Variants in RNF14 observed in about 807,000 individuals in gnomAD.
The protein encoded by RNF14 is ring finger protein 14.
RNF14 carries 26 observed loss-of-function variants against 52.6 expected under a neutral mutation model. That is an observed-to-expected ratio of 0.49 (90% confidence interval 0.36 to 0.69). The LOEUF (loss-of-function observed/expected upper bound fraction) is 0.69, where lower values mean the gene tolerates loss of function less well. RNF14 is among the 30% of genes least tolerant of loss of function. RNF14 has a pLI of 0.00. For synonymous variants in RNF14, 194 were observed against 202.0 expected, an observed-to-expected ratio of 0.96 and a Z score of 0.34; for missense variants, 404 against 560.4, an observed-to-expected ratio of 0.72 and a Z score of 2.82.
rs925768003 is a variant in RNF14, at chr5:141,980,157, G to C, written c.869G>C (p.Arg290Pro). 1 of 1,614,060 alleles carries C rather than the reference G, an allele frequency of 6.2e-7. No individual in the cohort carries two copies. The highest frequency in any genetic ancestry group is 8.5e-7 in the Non-Finnish European group (1 of 1,180,014). Residue 290 changes from arginine to proline, a missense_variant, in exon 6 of 9, where the codon CGT becomes CCT. By Grantham distance (103) the Arg-to-Pro change is moderately radical. Transcript: ENST00000394520. ...KELVEAELFARYDRLLLQSSL... is the reference protein window; with the variant it reads ...KELVEAELFAPYDRLLLQSSL... ...TTAGTGGAAGCAGAGTTATTTGCCCGTTATGACCGCCTTCTCCTCCAGTCC... is the reference window on the plus strand; with the variant it reads ...TTAGTGGAAGCAGAGTTATTTGCCCCTTATGACCGCCTTCTCCTCCAGTCC...
At chr5:141,964,790 T>A (rs1439010831), upstream of RNF14, among the ~76,000 whole-genome samples, 1 of 149,214 alleles carries the variant, frequency 6.7e-6, no homozygotes, top group Non-Finnish European at 1.5e-5. Flanking sequence ...ATTTTTTTTT[T>A]TTTTTTTTGT....
Position 141,978,553 on chromosome 5 carries a change from G to C in RNF14, c.557G>C (p.Arg186Thr), listed in dbSNP as rs756676710. ...GACCAAGAGGAAATTGTGGATGAGAGAGCAGTGCAGGATGTGGAATCACTG... is the reference window on the plus strand; with the variant it reads ...GACCAAGAGGAAATTGTGGATGAGACAGCAGTGCAGGATGTGGAATCACTG... ...DVDQEEIVDE[R>T]AVQDVESLSN... The change falls in exon 5 of 9, where the codon AGA (arginine) becomes ACA (threonine). Residue 186 changes from arginine (R) to threonine (T), a missense_variant. Physicochemically the swap from Arg to Thr is moderately conservative, Grantham distance 71 (BLOSUM62 -1). Transcript: ENST00000394520. The C allele has an allele frequency of 6.2e-7, 1 of 1,614,138 alleles. No individual in the cohort carries two copies. Among genetic ancestry groups the C allele is most frequent in the Admixed American group, 1.7e-5 (1 of 60,024 alleles).
rs1456513796 is a variant in RNF14 at position 141,990,220 on chromosome 5, G to T, written c.*2430G>T. ...ATTTGGGTAACTCCCCAAATGCCCT[G>T]TAAAACAAATGGGTTTGTGGAAGGT... On this transcript the variant is annotated 3_prime_UTR_variant, in exon 9 of 9. Coordinates refer to ENST00000394520, the MANE Select transcript of RNF14 (RefSeq NM_004290.5). The T allele has an allele frequency of 2.0e-5, 3 of 152,150 alleles. No individual in the cohort carries two copies. Among genetic ancestry groups the T allele is most frequent in the Admixed American group, 2.0e-4 (3 of 15,280 alleles). 9.4% of individuals were successfully genotyped at this position (152,150 alleles called of 1,614,324 possible).
intron 8 of RNF14, among the ~76,000 whole-genome samples, chr5:141,987,188 G>T (rs905164157): frequency 6.6e-6 from 1 of 152,168 alleles, no homozygotes; most frequent in African/African-American, 2.4e-5. Context: ...AGGGAGGGGG[G>T]TATGACCAGG....
upstream of RNF14, chr5:141,958,240 C>T (rs1260060313): frequency 5.3e-6 from 1 of 189,142 alleles, no homozygotes; most frequent in African/African-American, 2.3e-5. Context: ...CCTATGGAAA[C>T]CCCACCTACA....
In RNF14 at chr5:141,989,949, TAC is replaced by T. The variant is rs1444978232; in HGVS notation, c.*2161_*2162del. On this transcript the variant is annotated 3_prime_UTR_variant, in exon 9 of 9. Transcript: ENST00000394520. ...AGAAGTAGGAAAGAAGCCTTTATAA[TAC>T]AGTTTTATGAAAGAAATGGGAGCCT... 1 of 152,166 alleles carries T rather than the reference TAC, an allele frequency of 6.6e-6. No homozygotes were observed. 9.4% of individuals were successfully genotyped at this position (152,166 alleles called of 1,614,324 possible).
At chr5:141,957,945 C>T (rs1024107916), upstream of RNF14, 24 of 1,420,850 alleles carry the variant, frequency 1.7e-5, no homozygotes, top group African/African-American at 5.7e-5. The surrounding 1 kb of genome is among the most constrained non-coding windows in gnomAD (Gnocchi z 4.3). Flanking sequence ...TGATCAGCCC[C>T]GTGCTCCTTC....
chr5:141,962,617 C>G (rs953437559), upstream of RNF14, among the ~76,000 whole-genome samples: 4 of 152,182 alleles, frequency 2.6e-5, no homozygotes, highest in African/African-American at 9.7e-5. Context: ...CAGCAGACAA[C>G]AGCAGAGGCT....
intron 3 of RNF14, among the ~76,000 whole-genome samples, chr5:141,974,575 TGTA>T (rs1020026274): frequency 3.3e-5 from 5 of 152,250 alleles, no homozygotes; most frequent in African/African-American, 1.2e-4. Flanking sequence ...AAGAATAAGT[TGTA>T]GTATTTTCAT....
At chr5:141,952,745 A>T in the RNF14 span, 1 of 152,210 alleles carries the variant, frequency 6.6e-6, no homozygotes, top group African/African-American at 2.4e-5. Context: ...AAATACCCAC[A>T]CGCCTTCTTC....
At chr5:141,966,293 A>G (rs967620038), upstream of RNF14, among the ~76,000 whole-genome samples, 1 of 152,206 alleles carries the variant, frequency 6.6e-6, no homozygotes, top group Non-Finnish European at 1.5e-5. Flanking sequence ...TCTCAAAAAC[A>G]AAACAAAACC....
At chr5:141,956,633 C>T, upstream of RNF14, 2 of 1,614,152 alleles carry the variant, frequency 1.2e-6, no homozygotes, top group South Asian at 2.2e-5. Context: ...TATGTGTTGC[C>T]ATTAGTTCTT....
intron 2 of RNF14, among the ~76,000 whole-genome samples, chr5:141,972,392 G>A (rs1561545421): frequency 6.6e-6 from 1 of 151,966 alleles, no homozygotes; most frequent in Non-Finnish European, 1.5e-5. Flanking sequence ...ACCACACCTG[G>A]CTAGATATTT....
intron 7 of RNF14, 70 bp downstream of exon 7, chr5:141,983,622 T>C: frequency 2.2e-6 from 3 of 1,352,768 alleles, no homozygotes; most frequent in Middle Eastern, 2.7e-4. Context: ...TAAGAAGCCT[T>C]ACTAGTCAAT....
chr5:141,952,180 T>C, the RNF14 span, among the ~76,000 whole-genome samples: 1 of 152,190 alleles, frequency 6.6e-6, no homozygotes, highest in South Asian at 2.1e-4. Flanking sequence ...TCTGTCAGGA[T>C]GTGAAGGTTG....
At chr5:141,987,624 A>G (rs1364878991) in intron 8 of RNF14, 109 bp from the exon 9 acceptor site, 1 of 1,045,200 alleles carries the variant, frequency 9.6e-7, no homozygotes, top group East Asian at 2.4e-5. Context: ...AAGGAGAAGA[A>G]AAGATGTACA....
upstream of RNF14, chr5:141,957,995 G>T: frequency 1.1e-6 from 1 of 939,152 alleles, no homozygotes; most frequent in Non-Finnish European, 1.6e-6. The surrounding 1 kb of genome is among the most constrained non-coding windows in gnomAD (Gnocchi z 4.3). Flanking sequence ...ATAGTTAGAT[G>T]ATTATGAAAC....
chr5:141,949,493 C>T, the RNF14 span: 5 of 1,614,040 alleles, frequency 3.1e-6, no homozygotes, highest in East Asian at 2.2e-5. Flanking sequence ...CAGAGAGGTC[C>T]TCTTCAGGAT....
intron 1 of RNF14, chr5:141,969,870 T>C (rs980643038): frequency 6.6e-6 from 1 of 152,188 alleles, no homozygotes; most frequent in Non-Finnish European, 1.5e-5. Context: ...AACCATAAAC[T>C]GCATGAATGA....
Sources: gnomAD v4.1 joint callset for allele counts (sites outside exome capture counted in the v4.1 genomes callset) on GRCh38, gnomAD v4.1.1 for gene constraint, Gnocchi (gnomAD v3.1) non-coding constraint, MANE v1.5 for transcripts, NCBI Gene and HGNC (gene_info 2026-07-23, HGNC 2026-07-21) for gene names.